The following CAMK1D variants were observed in gnomAD, a reference collection of about 807,000 sequenced individuals.
CAMK1D encodes calcium/calmodulin-dependent protein kinase type 1D.
Under a neutral mutation model 47.7 loss-of-function variants are expected in CAMK1D, and 9 were observed. The observed-to-expected ratio is 0.19, with a 90% CI of 0.11 to 0.33. CAMK1D has a LOEUF of 0.33. Ranked by LOEUF, CAMK1D falls within the 10% of genes least tolerant of loss-of-function variation. The probability of loss-of-function intolerance (pLI) is 1.00; values close to 1 mark genes in which losing one functional copy is unlikely to be tolerated. For missense variants in CAMK1D, 291 were observed against 488.7 expected, an observed-to-expected ratio of 0.60 and a Z score of 3.81; for synonymous variants, 184 against 184.9, an observed-to-expected ratio of 0.99 and a Z score of 0.04.
At chr10:12,469,022 A>G (rs1833673182) in intron 1 of CAMK1D, among the ~76,000 whole-genome samples, 1 of 152,042 alleles carries the variant, frequency 6.6e-6, no homozygotes, top group African/African-American at 2.4e-5. Flanking sequence ...GGGGATTCAC[A>G]TGGATGGAAA....
intron 1 of CAMK1D, among the ~76,000 whole-genome samples, chr10:12,443,487 G>T (rs1369050358): frequency 6.6e-6 from 1 of 152,116 alleles, no homozygotes; most frequent in Non-Finnish European, 1.5e-5. Flanking sequence ...CCCCAAGAGA[G>T]GGTTCTTGGA....
In CAMK1D at chr10:12,490,716, A is replaced by C. The variant is rs373424425; in HGVS notation, c.93-62509A>C. On this transcript the variant is annotated intron_variant, in intron 1 of 10. Transcript: ENST00000619168. Reference sequence around the variant, plus strand: ...AAAAATTAGCCAGGTGTGGTGGCACATGCCTGTAATCGCAGCTACTCAGGA... The same window carrying C: ...AAAAATTAGCCAGGTGTGGTGGCACCTGCCTGTAATCGCAGCTACTCAGGA... Among the ~76,000 whole-genome samples the C allele has an allele frequency of 3.9e-5, 6 of 152,106 alleles. No homozygotes were observed. In the East Asian group the frequency reaches 1.2e-3, roughly 29 times the overall value.
chr10:12,470,542 G>A (rs80078415), intron 1 of CAMK1D, among the ~76,000 whole-genome samples: 1,755 of 151,192 alleles, frequency 0.012, 37 homozygotes, highest in African/African-American at 0.039. Context: ...TTCCAACATG[G>A]AGTCTCGCTC....
At chr10:12,703,432 G>C (rs1364111720) in intron 3 of CAMK1D, among the ~76,000 whole-genome samples, 1 of 152,226 alleles carries the variant, frequency 6.6e-6, no homozygotes, top group Non-Finnish European at 1.5e-5. Context: ...TCCCACAGCT[G>C]TCTTGGCTCC....
chr10:12,466,764 G>A (rs1833603847), intron 1 of CAMK1D, among the ~76,000 whole-genome samples: 1 of 152,106 alleles, frequency 6.6e-6, no homozygotes, highest in Admixed American at 6.5e-5. Flanking sequence ...ATCTGTGCCT[G>A]GGAAATGTGT....
chr10:12,798,216 A>C (rs550810342), intron 6 of CAMK1D, among the ~76,000 whole-genome samples: 1 of 152,322 alleles, frequency 6.6e-6, no homozygotes, highest in Admixed American at 6.5e-5. Context: ...CATCTCCTAG[A>C]AGCCATAGTT....
chr10:12,750,101 G>A (rs1424856878), intron 3 of CAMK1D, among the ~76,000 whole-genome samples: 2 of 152,202 alleles, frequency 1.3e-5, no homozygotes, highest in Non-Finnish European at 1.5e-5. Flanking sequence ...CTGTACATTT[G>A]TGCAATAACA....
At chr10:12,678,916 T>C (rs34329657) in intron 3 of CAMK1D, among the ~76,000 whole-genome samples, 44,189 of 151,866 alleles carry the variant, frequency 0.29, 7,034 homozygotes, top group South Asian at 0.43. Context: ...GCATGCACCA[T>C]CATGCCCAGC....
intron 1 of CAMK1D, among the ~76,000 whole-genome samples, chr10:12,518,382 G>A (rs903966579): frequency 1.2e-4 from 19 of 152,254 alleles, no homozygotes; most frequent in African/African-American, 4.1e-4. Context: ...GATTGGAGTT[G>A]TCTCATACTT....
intron 2 of CAMK1D, among the ~76,000 whole-genome samples, chr10:12,602,429 G>A (rs1838329945): frequency 6.6e-6 from 1 of 152,058 alleles, no homozygotes; most frequent in African/African-American, 2.4e-5. Flanking sequence ...ATCTCTCACC[G>A]ATGACTTTTC....
chr10:12,822,371 G>T (rs1373451700), intron 8 of CAMK1D, among the ~76,000 whole-genome samples: 1 of 152,226 alleles, frequency 6.6e-6, no homozygotes, highest in Non-Finnish European at 1.5e-5. Context: ...CTGCTGCACA[G>T]CCCAGGACTG....
chr10:12,533,935 A>G (rs1258961472), intron 1 of CAMK1D, among the ~76,000 whole-genome samples: 1 of 152,188 alleles, frequency 6.6e-6, no homozygotes, highest in Non-Finnish European at 1.5e-5. Flanking sequence ...CAGCCATCAC[A>G]TTCTTATTCC....
intron 6 of CAMK1D, among the ~76,000 whole-genome samples, chr10:12,792,597 C>A (rs1838023701): frequency 6.6e-6 from 1 of 152,264 alleles, no homozygotes; most frequent in East Asian, 1.9e-4. Context: ...CACTACACCA[C>A]CACCACATTG....
intron 5 of CAMK1D, among the ~76,000 whole-genome samples, chr10:12,781,969 ATTGT>A (rs781066701): frequency 1.3e-4 from 13 of 103,346 alleles, no homozygotes; most frequent in Non-Finnish European, 1.0e-4. Context: ...TTTTAATTTA[ATTGT>A]TTTTTTTTTT....
intron 5 of CAMK1D, among the ~76,000 whole-genome samples, chr10:12,780,947 G>A (rs1049086682): frequency 6.6e-6 from 1 of 152,222 alleles, no homozygotes; most frequent in African/African-American, 2.4e-5. Context: ...CCTAAGTGGG[G>A]AGACTTGTAG....
chr10:12,504,225 TACACAC>T (rs111662084), intron 1 of CAMK1D, among the ~76,000 whole-genome samples: 2 of 147,618 alleles, frequency 1.4e-5, no homozygotes, highest in Non-Finnish European at 1.5e-5. Flanking sequence ...ATACACATTT[TACACAC>T]ACACACACAC....
chr10:12,563,700 G>GAGAGAGAGGGAGA (rs1564414542), intron 2 of CAMK1D, among the ~76,000 whole-genome samples: 2 of 85,178 alleles, frequency 2.3e-5, no homozygotes, highest in Admixed American at 2.3e-4. Context: ...AGAGAGAGAG[G>GAGAGAGAGGGAGA]GAGAGAGAGG....
At chr10:12,427,749 CCAG>C (rs1840302037) in intron 1 of CAMK1D, among the ~76,000 whole-genome samples, 1 of 85,956 alleles carries the variant, frequency 1.2e-5, no homozygotes, top group Non-Finnish European at 2.2e-5. Context: ...GCTCTTTTGC[CCAG>C]GCTGGAGTGC....
chr10:12,693,581 A>G (rs55993365), intron 3 of CAMK1D, among the ~76,000 whole-genome samples: 1,979 of 151,862 alleles, frequency 0.013, 53 homozygotes, highest in African/African-American at 0.045. Flanking sequence ...GCAGTGAGCT[A>G]TAATTGTACC....
Sources: allele counts gnomAD v4.1 joint callset (sites outside exome capture counted in the v4.1 genomes callset), GRCh38; gene constraint gnomAD v4.1.1; transcripts MANE v1.5; gene names NCBI Gene and HGNC (gene_info 2026-07-23, HGNC 2026-07-21).